The following FBXO15 variants were observed in gnomAD, a reference collection of about 807,000 sequenced individuals.
FBXO15 encodes F-box protein 15.
Under a neutral mutation model 49.5 loss-of-function variants are expected in FBXO15, and 30 were observed. The ratio of observed to expected loss-of-function variants is 0.61; its 90% CI spans 0.45 to 0.82. FBXO15 has a LOEUF of 0.82. FBXO15 is among the 40% of genes least tolerant of loss of function. The pLI is 0.00. For synonymous variants in FBXO15, 250 were observed against 232.7 expected (o/e 1.07, Z -0.68); for missense variants, 591 against 631.5 (o/e 0.94, Z 0.69).
intron 1 of FBXO15, among the ~76,000 whole-genome samples, chr18:74,141,282 T>C (rs1476875258): frequency 2.0e-5 from 3 of 152,192 alleles, no homozygotes; most frequent in Non-Finnish European, 4.4e-5. Flanking sequence ...CCTCCATGTC[T>C]AGGCAGCAGC....
intron 8 of FBXO15, among the ~76,000 whole-genome samples, chr18:74,100,638 AAAAT>A (rs565533303): frequency 5.5e-4 from 84 of 152,226 alleles, no homozygotes; most frequent in African/African-American, 2.0e-3. Context: ...GTTCTTTGAA[AAAAT>A]AAATAAAATT....
intron 1 of FBXO15, among the ~76,000 whole-genome samples, chr18:74,141,811 T>A (rs1979094806): frequency 6.6e-6 from 1 of 152,206 alleles, no homozygotes; most frequent in African/African-American, 2.4e-5. Flanking sequence ...GACAGCATCA[T>A]GATATGCAGC....
At chr18:74,083,998 G>A (rs1912614888) in intron 8 of FBXO15, among the ~76,000 whole-genome samples, 1 of 152,204 alleles carries the variant, frequency 6.6e-6, no homozygotes, top group Admixed American at 6.5e-5. Flanking sequence ...GAGGTTAACA[G>A]TAACTCGCCC....
In FBXO15 at chr18:74,073,468, T is replaced by A. The variant is rs756814237; in HGVS notation, c.1526A>T (p.Glu509Val). ...ATAATTTGCCACCTACTGCTAATAT[T>A]CAGTCCCAAACCAATGGTTGATTTT... ...IAKINHWFGTEY is the reference protein window; with the variant it reads ...IAKINHWFGTVY The change falls in exon 10 of 10, where the codon GAA (glutamate) becomes GTA (valine). Residue 509 changes from glutamate to valine, a missense_variant. Transcript: ENST00000419743. 1 of 1,612,448 alleles carries A rather than the reference T, an allele frequency of 6.2e-7. No homozygotes were observed. The highest frequency in any genetic ancestry group is 1.3e-5 in the African/African-American group (1 of 74,896).
At chr18:74,114,274 C>A (rs532305342) in intron 8 of FBXO15, among the ~76,000 whole-genome samples, 1 of 152,332 alleles carries the variant, frequency 6.6e-6, no homozygotes, top group South Asian at 2.1e-4. Context: ...TGTCTGGTCA[C>A]AACTCATTCT....
chr18:74,123,615 C>T, intron 7 of FBXO15, 105 bp from the exon 8 acceptor site: 1 of 1,215,016 alleles, frequency 8.2e-7, no homozygotes, highest in South Asian at 1.6e-5. Flanking sequence ...CAAAGCACTA[C>T]CTCCTACAAA....
intron 8 of FBXO15, among the ~76,000 whole-genome samples, chr18:74,088,044 C>T (rs1912827009): frequency 6.6e-6 from 1 of 152,120 alleles, no homozygotes; most frequent in Admixed American, 6.6e-5. Context: ...ATGTCCTTTG[C>T]CTACTTTTTA....
chr18:74,104,212 C>A (rs1235797698), intron 8 of FBXO15, among the ~76,000 whole-genome samples: 1 of 152,026 alleles, frequency 6.6e-6, no homozygotes, highest in Non-Finnish European at 1.5e-5. Context: ...AAGTTTTCAT[C>A]TCTTTAAAAT....
In FBXO15 at chr18:74,128,089, AT is replaced by A. The variant is rs540379972; in HGVS notation, c.785+1315del. Among the ~76,000 whole-genome samples the A allele has an allele frequency of 2.3e-3, 356 of 152,326 alleles. 3 individuals are homozygous for A. The highest frequency in any genetic ancestry group is 8.4e-3 in the African/African-American group (349 of 41,568). The stretch of plus-strand genomic sequence containing the variant: ...AAAGATTTATCCAAATAAAAGTACC[AT>A]TTTTTAAAAGGTAACTGTTTCCAAA... On this transcript the variant is annotated intron_variant, in intron 5 of 9. Coordinates refer to ENST00000419743, the MANE Select transcript of FBXO15 (RefSeq NM_001142958.2).
At chr18:74,089,381 C>A (rs773884430) in intron 8 of FBXO15, among the ~76,000 whole-genome samples, 1 of 152,100 alleles carries the variant, frequency 6.6e-6, no homozygotes, top group Non-Finnish European at 1.5e-5. Flanking sequence ...ATCTTGCCTG[C>A]AAACAGGGAT....
Position 74,082,028 on chromosome 18 carries a change from T to C in FBXO15, c.1162A>G (p.Lys388Glu). ...KRGNIENGHV[K>E]LIVIHLKNNR... is the part of the protein sequence containing the mutation. ...TTTTTTAAATGTATAACAATGAGCT[T>C]CACATGTCCATTTTCAATATTTCCT... Residue 388 changes from lysine (K) to glutamate (E), a missense_variant, in exon 9 of 10, where the codon AAG becomes GAG. Physicochemically the swap from Lys to Glu is moderately conservative, Grantham distance 56. Coordinates refer to ENST00000419743, the MANE Select transcript of FBXO15 (RefSeq NM_001142958.2). 1 of 1,611,646 alleles carries C rather than the reference T, an allele frequency of 6.2e-7. No homozygotes were observed. Among genetic ancestry groups the C allele is most frequent in the African/African-American group, 1.3e-5 (1 of 74,944 alleles).
At position 74,129,397 on chromosome 18, in the gene FBXO15, G is replaced by A. The variant is rs1400953856; in HGVS notation, c.785+8C>T. 2 of 1,612,194 alleles carry A rather than the reference G, an allele frequency of 1.2e-6. No homozygotes were observed. Among genetic ancestry groups the A allele is most frequent in the Admixed American group, 1.7e-5 (1 of 59,980 alleles). ...TCTCACTCAACAGTTCTGCTGATTGGTACTTACCTATGTTTGGTGGGAGTT... is the reference window on the plus strand; with the variant it reads ...TCTCACTCAACAGTTCTGCTGATTGATACTTACCTATGTTTGGTGGGAGTT... On this transcript the variant is annotated splice_region_variant and intron_variant, in intron 5 of 9. Transcript: ENST00000419743.
chr18:74,110,991 T>C (rs1480217925), intron 8 of FBXO15, among the ~76,000 whole-genome samples: 4 of 152,252 alleles, frequency 2.6e-5, no homozygotes, highest in African/African-American at 7.2e-5. Flanking sequence ...CTATCAGAAA[T>C]TGACAGATCC....
intron 8 of FBXO15, chr18:74,097,847 T>A (rs761377612): frequency 2.0e-5 from 3 of 152,282 alleles, no homozygotes; most frequent in Non-Finnish European, 4.4e-5. Flanking sequence ...CTAAGGACCC[T>A]TGCAGAGTCC....
chr18:74,084,103 T>C (rs888869843), intron 8 of FBXO15, among the ~76,000 whole-genome samples: 1 of 152,218 alleles, frequency 6.6e-6, no homozygotes, highest in Non-Finnish European at 1.5e-5. Flanking sequence ...ATGCAAAACA[T>C]AGCACTAATT....
At chr18:74,104,279 C>T (rs1375948269) in intron 8 of FBXO15, among the ~76,000 whole-genome samples, 2 of 151,812 alleles carry the variant, frequency 1.3e-5, no homozygotes, top group African/African-American at 4.8e-5. Flanking sequence ...AATGAAAAAA[C>T]CTATTAATAG....
chr18:74,117,182 T>C (rs1398551951), intron 8 of FBXO15, among the ~76,000 whole-genome samples: 2 of 152,176 alleles, frequency 1.3e-5, no homozygotes, highest in Non-Finnish European at 2.9e-5. Context: ...CTCTGCTGAC[T>C]CCTAGTAGTG....
chr18:74,147,020 G>T (rs116827943), intron 1 of FBXO15: 29 of 152,298 alleles, frequency 1.9e-4, no homozygotes, highest in African/African-American at 6.7e-4. Flanking sequence ...TAATGAGAGG[G>T]ATTTCATAAG....
intron 8 of FBXO15, chr18:74,097,121 C>T (rs556125652): frequency 6.6e-6 from 1 of 152,328 alleles, no homozygotes; most frequent in Non-Finnish European, 1.5e-5. Context: ...TTCTGCCTTG[C>T]CTAGGAAGGA....
Sources: gnomAD v4.1 joint callset for allele counts (sites outside exome capture counted in the v4.1 genomes callset) on GRCh38, gnomAD v4.1.1 for gene constraint, MANE v1.5 for transcripts, NCBI Gene and HGNC (gene_info 2026-07-23, HGNC 2026-07-21) for gene names.